Variants in DCAF10 observed in about 807,000 individuals in gnomAD.
DCAF10 encodes the protein DDB1 and CUL4 associated factor 10.
In DCAF10, 19 loss-of-function variants were observed where a neutral mutation model predicts 51.9. The observed-to-expected ratio is 0.37, with a 90% CI of 0.26 to 0.54. DCAF10 has a LOEUF of 0.54. DCAF10 is among the 20% of genes least tolerant of loss of function. The probability of loss-of-function intolerance (pLI) is 0.87; values close to 1 mark genes in which losing one functional copy is unlikely to be tolerated. For missense variants in DCAF10, 510 were observed against 730.6 expected (o/e 0.70, Z 3.48); for synonymous variants, 291 against 297.1 (o/e 0.98, Z 0.21).
chr9:37,808,623 TATATA>T (rs1190629106), intron 1 of DCAF10, among the ~76,000 whole-genome samples: 2 of 46,028 alleles, frequency 4.3e-5, no homozygotes, highest in African/African-American at 8.8e-5. Flanking sequence ...ATAATATATT[TATATA>T]ATATAATATA....
intron 1 of DCAF10, among the ~76,000 whole-genome samples, chr9:37,805,810 C>T (rs948935861): frequency 6.6e-6 from 1 of 152,156 alleles, no homozygotes; most frequent in Non-Finnish European, 1.5e-5. Context: ...AGTAGCTTGG[C>T]GCAGTGGCTC....
intron 3 of DCAF10, among the ~76,000 whole-genome samples, chr9:37,853,283 C>T (rs903979783): frequency 4.0e-5 from 6 of 150,190 alleles, no homozygotes; most frequent in Admixed American, 1.3e-4. Context: ...TGTGGTGGTG[C>T]GTGCCTGTAA....
chr9:37,826,485 C>T (rs765311359), intron 2 of DCAF10, among the ~76,000 whole-genome samples: 10 of 152,252 alleles, frequency 6.6e-5, no homozygotes, highest in Middle Eastern at 6.8e-3. Flanking sequence ...AATGCTATGA[C>T]CCAGCAGTTA....
chr9:37,838,747 T>A (rs1830247259), intron 2 of DCAF10, among the ~76,000 whole-genome samples: 1 of 151,634 alleles, frequency 6.6e-6, no homozygotes, highest in African/African-American at 2.4e-5. Flanking sequence ...AAAAATTAGC[T>A]GGGCATCGCA....
chr9:37,847,179 G>A (rs985769462), intron 3 of DCAF10, among the ~76,000 whole-genome samples: 1 of 139,682 alleles, frequency 7.2e-6, no homozygotes, highest in Non-Finnish European at 1.5e-5. Flanking sequence ...TGTGAACCCA[G>A]AAGGTGGAAG....
Position 37,801,340 on chromosome 9 carries a change from G to T in DCAF10, c.474G>T (p.Ala158=), listed in dbSNP as rs1178881419. ...GCCTCTACGGTTCCATCCACCCCGCGGACTCGGTGTACCTCAGCACCCGCA... is the reference window on the plus strand; with the variant it reads ...GCCTCTACGGTTCCATCCACCCCGCTGACTCGGTGTACCTCAGCACCCGCA... The part of the protein sequence containing the change: ...MTSLYGSIHP[A]DSVYLSTRTH... The change falls in exon 1 of 7, where the codon GCG becomes GCT. Residue 158 remains alanine, a synonymous_variant. Transcript: ENST00000377724. The surrounding 1 kb of genome is among the most constrained non-coding windows in gnomAD (Gnocchi z 5.5). 1.3e-6 allele frequency: 2 copies of T among 1,584,698 alleles called. No homozygotes were observed. The highest frequency in any genetic ancestry group is 1.7e-6 in the Non-Finnish European group (2 of 1,168,758).
At chr9:37,814,456 T>G (rs1221180779) in intron 1 of DCAF10, among the ~76,000 whole-genome samples, 1 of 151,456 alleles carries the variant, frequency 6.6e-6, no homozygotes, top group Admixed American at 6.6e-5. Flanking sequence ...CCTTCAATTT[T>G]TTTTTTAAGA....
intron 2 of DCAF10, among the ~76,000 whole-genome samples, chr9:37,841,696 C>T (rs1830341935): frequency 1.3e-5 from 2 of 152,120 alleles, no homozygotes; most frequent in African/African-American, 4.8e-5. Flanking sequence ...TGTAATGTGT[C>T]CCTCTCGGCA....
intron 5 of DCAF10, chr9:37,858,577 G>A (rs530584528): frequency 6.6e-6 from 1 of 152,274 alleles, no homozygotes; most frequent in East Asian, 1.9e-4. Context: ...TTAAGAATGA[G>A]GGAAGAGATG....
chr9:37,859,166 T>C (rs1830940363), intron 5 of DCAF10, among the ~76,000 whole-genome samples: 1 of 152,238 alleles, frequency 6.6e-6, no homozygotes, highest in African/African-American at 2.4e-5. Context: ...GTTAATGATG[T>C]AGTAATCTGA....
chr9:37,851,340 C>T (rs1182928836), intron 3 of DCAF10, among the ~76,000 whole-genome samples: 3 of 152,068 alleles, frequency 2.0e-5, no homozygotes, highest in Admixed American at 1.3e-4. Flanking sequence ...GACACTCTGC[C>T]TGGCTACTTT....
rs74987730 is a variant in DCAF10, at chr9:37,801,447, G to A, written c.539+42G>A. The stretch of plus-strand genomic sequence containing the variant: ...GGAGGGCGGGCGCCCGCCTCCGCCC[G>A]GCTCTGCTGCCAGCGGACGGCCGTC... On this transcript the variant is annotated intron_variant, in intron 1 of 6. Transcript: ENST00000377724. The surrounding 1 kb of genome is among the most constrained non-coding windows in gnomAD (Gnocchi z 5.5). The A allele has an allele frequency of 0.15, 214,676 of 1,388,354 alleles. 17,423 individuals are homozygous for A. The highest frequency in any genetic ancestry group is 0.17 in the Non-Finnish European group (178,994 of 1,070,412). The allele number at this position is 1,388,354 out of a possible 1,614,324, so 86.0% of individuals were successfully genotyped here. A position where few individuals can be genotyped will look rare whatever the true frequency, so the allele number is the denominator to read the frequency against.
chr9:37,861,316 C>T lies in DCAF10; in HGVS notation c.1488C>T (p.Arg496=), dbSNP rs1252740585. The change falls in exon 7 of 7, where the codon CGC becomes CGT. Residue 496 remains arginine (R), a synonymous_variant. Transcript: ENST00000377724. The surrounding 1 kb of genome is among the most constrained non-coding windows in gnomAD (Gnocchi z 4.9). ...CTTCCCCACATGGCTATGGGATTCG[C>T]TTGTTGGGATTTGACAAACAGTGCA... is the stretch of plus-strand genomic sequence containing the variant. ...MISSPHGYGI[R]LLGFDKQCSE... 1.2e-6 allele frequency: 2 copies of T among 1,614,070 alleles called. No homozygotes were observed. The highest frequency in any genetic ancestry group is 1.7e-6 in the Non-Finnish European group (2 of 1,180,036).
At chr9:37,837,709 T>C (rs1830211505) in intron 2 of DCAF10, among the ~76,000 whole-genome samples, 1 of 152,140 alleles carries the variant, frequency 6.6e-6, no homozygotes, top group African/African-American at 2.4e-5. Flanking sequence ...AGCAGGTCCA[T>C]GTCTTTTGTG....
chr9:37,848,993 T>C (rs905552357), intron 3 of DCAF10, among the ~76,000 whole-genome samples: 1 of 148,460 alleles, frequency 6.7e-6, no homozygotes, highest in African/African-American at 2.5e-5. Context: ...AAAAAAAAAC[T>C]TAATTTACAC....
At chr9:37,837,092 C>T (rs1197427208) in intron 2 of DCAF10, among the ~76,000 whole-genome samples, 1 of 152,116 alleles carries the variant, frequency 6.6e-6, no homozygotes, top group African/African-American at 2.4e-5. Flanking sequence ...ATTCAATAAG[C>T]TTTTACTGCA....
chr9:37,861,309 G>A lies in DCAF10; in HGVS notation c.1481G>A (p.Gly494Glu), dbSNP rs1189897839. The change falls in exon 7 of 7, where the codon GGG becomes GAG. Residue 494 changes from glycine (G) to glutamate (E), a missense_variant. Coordinates refer to ENST00000377724, the MANE Select transcript of DCAF10 (RefSeq NM_024345.5). The surrounding 1 kb of genome is among the most constrained non-coding windows in gnomAD (Gnocchi z 4.9). ...ATGATTTCTTCCCCACATGGCTATGGGATTCGCTTGTTGGGATTTGACAAA... is the reference window on the plus strand; with the variant it reads ...ATGATTTCTTCCCCACATGGCTATGAGATTCGCTTGTTGGGATTTGACAAA... ...GRMISSPHGY[G>E]IRLLGFDKQC... The A allele has an allele frequency of 6.2e-7, 1 of 1,614,170 alleles. No individual in the cohort carries two copies.
At chr9:37,846,870 T>C (rs2118079857) in intron 3 of DCAF10, among the ~76,000 whole-genome samples, 1 of 152,188 alleles carries the variant, frequency 6.6e-6, no homozygotes, top group African/African-American at 2.4e-5. Flanking sequence ...CACAAACTCT[T>C]CCAGAATATA....
At chr9:37,832,632 C>T (rs1372253180) in intron 2 of DCAF10, among the ~76,000 whole-genome samples, 1 of 152,060 alleles carries the variant, frequency 6.6e-6, no homozygotes, top group South Asian at 2.1e-4. Flanking sequence ...CAGAATTTTG[C>T]AAAACCCTGA....
Sources: allele counts gnomAD v4.1 joint callset (sites outside exome capture counted in the v4.1 genomes callset), GRCh38; gene constraint gnomAD v4.1.1; non-coding constraint Gnocchi (gnomAD v3.1); transcripts MANE v1.5; gene names NCBI Gene and HGNC (gene_info 2026-07-23, HGNC 2026-07-21).